Variants in DCLRE1C observed in about 807,000 individuals in gnomAD.
DCLRE1C encodes the protein protein artemis.
DCLRE1C carries 47 observed loss-of-function variants against 61.4 expected under a neutral mutation model. The observed-to-expected ratio is 0.77, with a 90% confidence interval of 0.61 to 0.98. The LOEUF (loss-of-function observed/expected upper bound fraction) is 0.98. Ranked by LOEUF, DCLRE1C falls within the 50% of genes least tolerant of loss-of-function variation. The pLI is 0.00. For synonymous variants in DCLRE1C, 337 were observed against 287.6 expected, an observed-to-expected ratio of 1.17 and a Z score of -1.74; for missense variants, 858 against 816.0, an observed-to-expected ratio of 1.05 and a Z score of -0.63.
chr10:14,905,078 A>G lies in DCLRE1C; in HGVS notation c.*3330T>C, dbSNP rs1214956337. On this transcript the variant is annotated 3_prime_UTR_variant, in exon 14 of 14. Coordinates refer to ENST00000378278, the MANE Select transcript of DCLRE1C (RefSeq NM_001033855.3). Reference sequence around the variant, plus strand: ...TTAGCTTTGTTTCTGTTTTACAGTCATTTCCAGTAAGACTATAAAAGGGGC... The same window carrying G: ...TTAGCTTTGTTTCTGTTTTACAGTCGTTTCCAGTAAGACTATAAAAGGGGC... Among the ~76,000 whole-genome samples the G allele has an allele frequency of 1.3e-5, 2 of 152,238 alleles. No homozygotes were observed. Among genetic ancestry groups the G allele is most frequent in the African/African-American group, 4.8e-5 (2 of 41,468 alleles).
Position 14,953,881 on chromosome 10 carries a change from C to G in DCLRE1C, c.109+21G>C, listed in dbSNP as rs781576752. On this transcript the variant is annotated intron_variant, in intron 1 of 13. Transcript: ENST00000378278. ...CAGCCCCCAGCGCCCCGGGAGCGGG[C>G]GACGCGCAGCCCTCACTCACCTTTG... 7 of 1,613,372 alleles carry G rather than the reference C, an allele frequency of 4.3e-6. No individual in the cohort carries two copies. The Admixed American group carries it at 8.3e-5, about 19-fold the overall frequency.
intron 12 of DCLRE1C, 45 bp from the exon 13 acceptor site, chr10:14,919,877 T>TTA: frequency 6.7e-7 from 1 of 1,486,494 alleles, no homozygotes; most frequent in South Asian, 1.1e-5. Context: ...GAGGAAGTTG[T>TTA]TAGAAGGTAG....
At chr10:14,911,865 G>C (rs1033766235) in intron 13 of DCLRE1C, among the ~76,000 whole-genome samples, 1 of 152,168 alleles carries the variant, frequency 6.6e-6, no homozygotes, top group Non-Finnish European at 1.5e-5. Context: ...TTAGTCATTA[G>C]AGAAATGCAA....
chr10:14,922,988 C>A lies in DCLRE1C; in HGVS notation c.1054G>T (p.Val352Phe). 6.2e-7 allele frequency: 1 copy of A among 1,613,798 alleles called. No homozygotes were observed. The highest frequency in any genetic ancestry group is 8.5e-7 in the Non-Finnish European group (1 of 1,179,680). The change falls in exon 12 of 14, where the codon GTC becomes TTC. Residue 352 changes from valine to phenylalanine, a missense_variant. Around this residue, in one of 2 missense-constraint regions of DCLRE1C, gnomAD observed 843 missense variants for 783.5 expected, o/e 1.08. Coordinates refer to ENST00000378278, the MANE Select transcript of DCLRE1C (RefSeq NM_001033855.3). The part of the protein sequence containing the change: ...IPVGTTMDKV[V>F]EILKPLCRSS... ...CAACCAGTGACTACTCACATTTCGA[C>A]AACTTTATCCATAGTTGTGCCAACT...
intron 10 of DCLRE1C, among the ~76,000 whole-genome samples, 190 bp downstream of exon 10, chr10:14,927,826 A>G (rs1272828233): frequency 1.3e-5 from 2 of 152,204 alleles, no homozygotes; most frequent in Non-Finnish European, 2.9e-5. Flanking sequence ...ACCTCAGGAT[A>G]CACCAGCTGA....
chr10:14,929,690 G>GA (rs1564423684), intron 9 of DCLRE1C, among the ~76,000 whole-genome samples: 1 of 151,658 alleles, frequency 6.6e-6, no homozygotes, highest in African/African-American at 2.4e-5. Flanking sequence ...AATTTGGAGG[G>GA]AAAAAAACTA....
chr10:14,940,285 CTTTT>C (rs1362528446), intron 3 of DCLRE1C, among the ~76,000 whole-genome samples: 1 of 103,222 alleles, frequency 9.7e-6, no homozygotes, highest in African/African-American at 3.6e-5. Flanking sequence ...ATACACGGTT[CTTTT>C]ATTTTTTTTT....
At chr10:14,900,427 C>T (rs1833922957), downstream of DCLRE1C, among the ~76,000 whole-genome samples, 1 of 152,150 alleles carries the variant, frequency 6.6e-6, no homozygotes, top group African/African-American at 2.4e-5. Flanking sequence ...CCATGTTAAA[C>T]TTCTGATGGA....
At chr10:14,923,363 C>A in intron 11 of DCLRE1C, 1 of 338,198 alleles carries the variant, frequency 3.0e-6, no homozygotes, top group Non-Finnish European at 5.5e-6. Context: ...CAATGGGACT[C>A]AAAGATTCTT....
At chr10:14,934,852 G>C (rs1839640800) in intron 6 of DCLRE1C, 77 bp from the exon 7 acceptor site, 1 of 1,044,164 alleles carries the variant, frequency 9.6e-7, no homozygotes, top group East Asian at 2.4e-5. Context: ...TTTTGAGATG[G>C]AGTTTCGCTC....
intron 11 of DCLRE1C, chr10:14,923,398 T>G: frequency 6.7e-6 from 2 of 299,154 alleles, no homozygotes; most frequent in Non-Finnish European, 6.5e-6. Flanking sequence ...TTTAATATAT[T>G]GCTTTCCTTG....
intron 3 of DCLRE1C, among the ~76,000 whole-genome samples, chr10:14,941,675 G>A (rs1477860258): frequency 2.6e-5 from 4 of 152,072 alleles, no homozygotes; most frequent in South Asian, 2.1e-4. Context: ...TAGTTTCCAC[G>A]TGTATGGGAA....
rs775434818 is a variant in DCLRE1C, at chr10:14,936,562, G to A, written c.338C>T (p.Ala113Val). The A allele has an allele frequency of 6.2e-7, 1 of 1,613,052 alleles. No homozygotes were observed. Among genetic ancestry groups the A allele is most frequent in the Admixed American group, 1.7e-5 (1 of 59,984 alleles). The change falls in exon 5 of 14, where the codon GCT (alanine) becomes GTT (valine). Residue 113 changes from alanine (A) to valine (V), a missense_variant. Ala to Val is a moderately conservative substitution (Grantham distance 64, BLOSUM62 0). Around this residue, in one of 2 missense-constraint regions of DCLRE1C, gnomAD observed 843 missense variants for 783.5 expected, o/e 1.08. Transcript: ENST00000378278. ...KEEIVVTLLP[A>V]GHCPGSVMFL... The stretch of plus-strand genomic sequence containing the variant: ...CATAACTGATCCCGGACAGTGACCA[G>A]CTGGTAAGAGAGTCACAACAATCTC...
At position 14,907,000 on chromosome 10, in the gene DCLRE1C, C is replaced by G. The variant is rs886046833; in HGVS notation, c.*1408G>C. Among the ~76,000 whole-genome samples, 1 of 151,900 alleles carries G rather than the reference C, an allele frequency of 6.6e-6. No homozygotes were observed. The highest frequency in any genetic ancestry group is 1.5e-5 in the Non-Finnish European group (1 of 67,984). ...CCTGCCACCTAAGCCTTCCAAGTAG[C>G]GAGGACTACAGGTGCACACCACCAT... On this transcript the variant is annotated 3_prime_UTR_variant, in exon 14 of 14. Transcript: ENST00000378278.
chr10:14,931,471 T>A (rs1352383949), intron 9 of DCLRE1C, among the ~76,000 whole-genome samples: 1 of 151,972 alleles, frequency 6.6e-6, no homozygotes, highest in Non-Finnish European at 1.5e-5. Context: ...GGCAAGAGAA[T>A]CGCTTGAATG....
chr10:14,941,620 C>T (rs1465192636), intron 3 of DCLRE1C, among the ~76,000 whole-genome samples: 2 of 152,156 alleles, frequency 1.3e-5, no homozygotes, highest in African/African-American at 2.4e-5. Flanking sequence ...TTTTCTTTAT[C>T]GTACAATTTC....
intron 13 of DCLRE1C, among the ~76,000 whole-genome samples, chr10:14,910,183 G>T (rs982897983): frequency 3.3e-5 from 5 of 152,104 alleles, no homozygotes; most frequent in South Asian, 2.1e-4. Context: ...CATGTTCCCC[G>T]TGTGAAGCTA....
chr10:14,919,816 G>A lies in DCLRE1C; in HGVS notation c.1078C>T (p.Arg360Trp), dbSNP rs748164114. 1.8e-5 allele frequency: 29 copies of A among 1,613,070 alleles called. 1 individual carries two copies. Among genetic ancestry groups the A allele is most frequent in the Middle Eastern group, 1.6e-4 (1 of 6,080 alleles). ...KVVEILKPLC[R>W]SSQSTEPKYK... ...TTTGGCTCCGTACTTTGGGAAGACC[G>A]GCATAAAGGCTTTAAGCTGAAATGA... The change falls in exon 13 of 14, where the codon CGG (arginine) becomes TGG (tryptophan). Residue 360 changes from arginine to tryptophan, a missense_variant. Coordinates refer to ENST00000378278, the MANE Select transcript of DCLRE1C (RefSeq NM_001033855.3).
At chr10:14,938,999 GT>G (rs1840434180) in intron 4 of DCLRE1C, among the ~76,000 whole-genome samples, 1 of 152,162 alleles carries the variant, frequency 6.6e-6, no homozygotes, top group African/African-American at 2.4e-5. Flanking sequence ...CCCCAAAGTG[GT>G]TTTATTAGGA....
Sources: gnomAD v4.1 joint callset for allele counts (sites outside exome capture counted in the v4.1 genomes callset) on GRCh38, gnomAD v4.1.1 for gene constraint, gnomAD v4.1.1 regional missense constraint, MANE v1.5 for transcripts, NCBI Gene and HGNC (gene_info 2026-07-23, HGNC 2026-07-21) for gene names.